Variants in BFSP1 observed in about 807,000 individuals in gnomAD.
BFSP1 encodes the protein beaded filament structural protein 1, also known as filensin.
A neutral mutation model predicts 43.9 loss-of-function variants in BFSP1; 38 were observed. The ratio of observed to expected loss-of-function variants is 0.87; its 90% CI spans 0.67 to 1.14. The LOEUF is 1.14. BFSP1 is among the 50% of genes most tolerant of loss of function. The probability of loss-of-function intolerance (pLI) is 0.00; values close to 1 mark genes in which losing one functional copy is unlikely to be tolerated. For synonymous variants in BFSP1, 352 were observed against 354.8 expected (o/e 0.99, Z 0.09); for missense variants, 850 against 875.1 (o/e 0.97, Z 0.36).
chr20:17,550,147 C>T (rs1216715750), intron 1 of BFSP1, among the ~76,000 whole-genome samples: 1 of 152,096 alleles, frequency 6.6e-6, no homozygotes, highest in African/African-American at 2.4e-5. Flanking sequence ...GGAAAGGGAT[C>T]CTGACCCAGA....
intron 1 of BFSP1, among the ~76,000 whole-genome samples, chr20:17,556,751 T>C (rs1014201408): frequency 3.3e-5 from 5 of 151,998 alleles, no homozygotes; most frequent in Middle Eastern, 3.2e-3. Flanking sequence ...AGATAATTTA[T>C]ATAATTAAAT....
intron 1 of BFSP1, among the ~76,000 whole-genome samples, chr20:17,548,547 C>A (rs1568715008): frequency 6.6e-6 from 1 of 152,112 alleles, no homozygotes; most frequent in Non-Finnish European, 1.5e-5. Context: ...CCCAAGATAA[C>A]TTGGGGTTCT....
intron 1 of BFSP1, among the ~76,000 whole-genome samples, chr20:17,554,826 C>T (rs74812476): frequency 2.2e-3 from 335 of 152,114 alleles, no homozygotes; most frequent in African/African-American, 6.7e-3. Flanking sequence ...ATTCCCATAA[C>T]GTCTAAGAAA....
intron 1 of BFSP1, among the ~76,000 whole-genome samples, chr20:17,565,315 T>C (rs1003149590): frequency 2.0e-5 from 3 of 152,246 alleles, no homozygotes; most frequent in Admixed American, 6.5e-5. Flanking sequence ...ATAAAATTTA[T>C]GCATTCCTTT....
intron 1 of BFSP1, among the ~76,000 whole-genome samples, chr20:17,548,986 T>A (rs977081611): frequency 7.2e-5 from 11 of 152,302 alleles, no homozygotes; most frequent in African/African-American, 2.6e-4. Context: ...TTTTAAATTA[T>A]TTTTTGTAGA....
chr20:17,533,090 C>T (rs150768540), upstream of BFSP1, among the ~76,000 whole-genome samples: 1,570 of 152,224 alleles, frequency 0.01, 32 homozygotes, highest in African/African-American at 0.036. Flanking sequence ...GTGGACCACA[C>T]CTCTAATCCA....
chr20:17,493,968 C>G lies in BFSP1; in HGVS notation c.*106G>C. ...CAATGCCAGATGGGTCAACTATGGT[C>G]TAATCCAAACAGGAACCCTCACCCT... On this transcript the variant is annotated 3_prime_UTR_variant, in exon 8 of 8. Transcript: ENST00000377873. The G allele has an allele frequency of 9.8e-6, 11 of 1,124,278 alleles. No individual in the cohort carries two copies. Among genetic ancestry groups the G allele is most frequent in the Non-Finnish European group, 1.4e-5 (11 of 787,130 alleles). 69.6% of individuals were successfully genotyped at this position (1,124,278 alleles called of 1,614,324 possible).
intron 2 of BFSP1, among the ~76,000 whole-genome samples, chr20:17,515,730 G>A (rs2034184906): frequency 6.6e-6 from 1 of 152,156 alleles, no homozygotes; most frequent in Admixed American, 6.5e-5. Flanking sequence ...GGGTTCATCA[G>A]GATTCCCCAG....
At position 17,499,331 on chromosome 20, in the gene BFSP1, C is replaced by T. The variant is rs116297003; in HGVS notation, c.736-291G>A. ...CAATCTCGGCTCACTGCATCCTCGA[C>T]CTCCCAGGCTAAAGGCTTCCACCTC... On this transcript the variant is annotated intron_variant, in intron 5 of 7. Transcript: ENST00000377873. Among the ~76,000 whole-genome samples, 411 of 150,792 alleles carry T rather than the reference C, an allele frequency of 2.7e-3. 1 individual carries two copies. Among genetic ancestry groups the T allele is most frequent in the African/African-American group, 9.5e-3 (391 of 41,044 alleles).
intron 1 of BFSP1, among the ~76,000 whole-genome samples, chr20:17,546,160 C>T (rs941750487): frequency 2.6e-5 from 4 of 152,088 alleles, no homozygotes; most frequent in South Asian, 2.1e-4. Flanking sequence ...TTTACAGCTT[C>T]GAGTGGCTGG....
intron 3 of BFSP1, among the ~76,000 whole-genome samples, chr20:17,512,728 ATAAGT>A (rs921341801): frequency 2.0e-5 from 3 of 152,144 alleles, no homozygotes; most frequent in Non-Finnish European, 4.4e-5. Flanking sequence ...TCAAAAATAA[ATAAGT>A]TAAAAGGCCC....
upstream of BFSP1, chr20:17,560,853 T>C (rs1313839533): frequency 6.6e-6 from 1 of 152,206 alleles, no homozygotes; most frequent in Non-Finnish European, 1.5e-5. Context: ...AACCAGCCCA[T>C]TGCTGTCTGT....
In BFSP1 at chr20:17,494,692, G is replaced by A; in HGVS notation, c.1380C>T (p.Thr460=). The change falls in exon 8 of 8, where the codon ACC becomes ACT. Residue 460 remains threonine, a synonymous_variant. Transcript: ENST00000377873. Reference sequence around the variant, plus strand: ...GCTCTTTGGTGTAGAGCTCAGTGGGGGTCTCAGGCTCTTTGGGGCTTCTCA... The same window carrying A: ...GCTCTTTGGTGTAGAGCTCAGTGGGAGTCTCAGGCTCTTTGGGGCTTCTCA... ...EKVRSPKEPE[T]PTELYTKERH... 1 of 1,586,672 alleles carries A rather than the reference G, an allele frequency of 6.3e-7. No individual in the cohort carries two copies. The highest frequency in any genetic ancestry group is 8.6e-7 in the Non-Finnish European group (1 of 1,165,486).
intron 2 of BFSP1, among the ~76,000 whole-genome samples, chr20:17,521,798 CAATGAAGGAA>C (rs1351485930): frequency 6.6e-6 from 1 of 152,102 alleles, no homozygotes; most frequent in Non-Finnish European, 1.5e-5. Context: ...GAAACAAAAC[CAATGAAGGAA>C]TGTGACGAGC....
At chr20:17,566,934 G>C (rs1223685041) in intron 1 of BFSP1, among the ~76,000 whole-genome samples, 3 of 152,124 alleles carry the variant, frequency 2.0e-5, no homozygotes, top group African/African-American at 7.2e-5. Context: ...TTACAGGTGT[G>C]AGCCACGGTG....
intron 6 of BFSP1, among the ~76,000 whole-genome samples, chr20:17,497,576 A>T (rs1568679640): frequency 4.1e-5 from 1 of 24,620 alleles, no homozygotes; most frequent in East Asian, 1.3e-3. Context: ...GTATATGTAT[A>T]TATACGTATA....
intron 2 of BFSP1, among the ~76,000 whole-genome samples, chr20:17,524,228 G>A (rs2034374385): frequency 6.6e-6 from 1 of 152,196 alleles, no homozygotes; most frequent in African/African-American, 2.4e-5. Flanking sequence ...GATTCTCCCA[G>A]CAAAAGCAGA....
intron 5 of BFSP1, among the ~76,000 whole-genome samples, chr20:17,505,814 C>G (rs2033922780): frequency 6.6e-6 from 1 of 152,284 alleles, no homozygotes; most frequent in African/African-American, 2.4e-5. Flanking sequence ...CCGGGCCACA[C>G]CCCAGACCCA....
intron 2 of BFSP1, among the ~76,000 whole-genome samples, chr20:17,515,901 G>T (rs1486827386): frequency 6.6e-6 from 1 of 152,178 alleles, no homozygotes; most frequent in Non-Finnish European, 1.5e-5. Flanking sequence ...ATATGTAAGA[G>T]ACACTCTCCA....
Sources: allele counts gnomAD v4.1 joint callset (sites outside exome capture counted in the v4.1 genomes callset), GRCh38; gene constraint gnomAD v4.1.1; transcripts MANE v1.5; gene names NCBI Gene and HGNC (gene_info 2026-07-23, HGNC 2026-07-21).